DUSP15: variants seen among roughly 807,000 people sequenced by gnomAD.
DUSP15 encodes the protein dual specificity phosphatase 15.
Under a neutral mutation model 26.3 loss-of-function variants are expected in DUSP15, and 23 were observed. The ratio of observed to expected loss-of-function variants is 0.87; its 90% CI spans 0.63 to 1.24. The LOEUF (loss-of-function observed/expected upper bound fraction) is 1.24, where lower values mean the gene tolerates loss of function less well. DUSP15 is among the 50% of genes most tolerant of loss of function. The pLI is 0.00. For synonymous variants in DUSP15, 143 were observed against 135.5 expected (o/e 1.06, Z -0.39); for missense variants, 364 against 320.6 (o/e 1.14, Z -1.03).
At chr20:31,864,874 C>T in intron 4 of DUSP15, 79 bp downstream of exon 4, 1 of 1,474,742 alleles carries the variant, frequency 6.8e-7, no homozygotes, top group Non-Finnish European at 9.5e-7. Flanking sequence ...GTACTTTGTC[C>T]TCCTTCAAAC....
intron 3 of DUSP15, among the ~76,000 whole-genome samples, chr20:31,865,728 C>T (rs575252274): frequency 6.6e-6 from 1 of 152,334 alleles, no homozygotes; most frequent in East Asian, 1.9e-4. Flanking sequence ...CACTCACATT[C>T]CCCAAGGTCA....
At chr20:31,857,969 C>G (rs1489640618), downstream of DUSP15, among the ~76,000 whole-genome samples, 1 of 152,154 alleles carries the variant, frequency 6.6e-6, no homozygotes, top group African/African-American at 2.4e-5. Context: ...GCAGCCTTGG[C>G]TGATTGTTTT....
rs200184141 is a variant in DUSP15 at position 31,852,005 on chromosome 20, TTTC to T, written c.427-1332_427-1330del. 1.3e-3 allele frequency among the ~76,000 whole-genome samples: 151 copies of T among 120,094 alleles called. 1 individual carries two copies. Among genetic ancestry groups the T allele is most frequent in the Middle Eastern group, 8.9e-3 (2 of 224 alleles). The allele number at this position is 120,094 out of a possible 152,430, so 78.8% of individuals were successfully genotyped here. A position where few individuals can be genotyped will look rare whatever the true frequency, so the allele number is the denominator to read the frequency against. On this transcript the variant is annotated intron_variant, in intron 6 of 9. Coordinates refer to the DUSP15 transcript ENST00000278979. The stretch of plus-strand genomic sequence containing the variant: ...GGCCTCAGTTTCCTCCTTTTCTTTC[TTTC>T]TTTTTTTTTTTTTTTTGAGATGGAG...
In DUSP15 at chr20:31,866,351, C is replaced by T. The variant is rs527969008; in HGVS notation, c.138+720G>A. Among the ~76,000 whole-genome samples the T allele has an allele frequency of 2.6e-5, 4 of 152,202 alleles. No homozygotes were observed. In the South Asian group the frequency reaches 8.3e-4, roughly 32 times the overall value. On this transcript the variant is annotated intron_variant, in intron 3 of 6. Transcript: ENST00000339738. ...TGTTGAGCATCTATTTATGTGGTTC[C>T]CAACCACTCAGTGAAGTGGGTACTG...
At chr20:31,848,952 C>A (rs779226099) in intron 8 of DUSP15, 7 of 1,503,066 alleles carry the variant, frequency 4.7e-6, no homozygotes, top group East Asian at 2.3e-5. Flanking sequence ...AGGGACTGGG[C>A]AAGAACTAGG....
intron 6 of DUSP15, among the ~76,000 whole-genome samples, chr20:31,852,759 C>T (rs2062493482): frequency 6.6e-6 from 1 of 152,110 alleles, no homozygotes; most frequent in African/African-American, 2.4e-5. Context: ...TGCAGTGAGC[C>T]GAGATCTCGC....
At chr20:31,857,336 T>C (rs1232505607), downstream of DUSP15, among the ~76,000 whole-genome samples, 3 of 152,054 alleles carry the variant, frequency 2.0e-5, no homozygotes, top group Admixed American at 6.5e-5. Flanking sequence ...TTTTTTCTTT[T>C]TATAGAGACG....
At chr20:31,853,037 G>T (rs1174571440) in intron 6 of DUSP15, among the ~76,000 whole-genome samples, 3 of 152,156 alleles carry the variant, frequency 2.0e-5, no homozygotes, top group Non-Finnish European at 4.4e-5. Context: ...GCACTGGGCC[G>T]TGCAGAGGGA....
intron 2 of DUSP15, among the ~76,000 whole-genome samples, chr20:31,867,581 G>A (rs1004465675): frequency 1.3e-5 from 2 of 150,504 alleles, no homozygotes; most frequent in Non-Finnish European, 1.5e-5. Context: ...GGCACAGTGT[G>A]CCGCCATTAA....
rs760756308 is a variant in DUSP15, at chr20:31,863,995, C to A, written c.189-14G>T. Reference sequence around the variant, plus strand: ...AAGTGCTTTTTGCTAGAGGAGAAAGCAATAGGGTAGGGAGCACTGCAGGGC... The same window carrying A: ...AAGTGCTTTTTGCTAGAGGAGAAAGAAATAGGGTAGGGAGCACTGCAGGGC... On this transcript the variant is annotated splice_polypyrimidine_tract_variant and intron_variant, in intron 4 of 6. Coordinates refer to ENST00000339738, the MANE Select transcript of DUSP15 (RefSeq NM_080611.5). 2.5e-6 allele frequency: 4 copies of A among 1,613,506 alleles called. No individual in the cohort carries two copies. The highest frequency in any genetic ancestry group is 3.4e-6 in the Non-Finnish European group (4 of 1,179,636).
At chr20:31,846,476 G>GAGA (rs1555791617), downstream of DUSP15, among the ~76,000 whole-genome samples, 9 of 128,510 alleles carry the variant, frequency 7.0e-5, no homozygotes, top group African/African-American at 3.5e-4. Flanking sequence ...GAGAGAGAGA[G>GAGA]GAGAGAGAGG....
chr20:31,862,725 C>T lies in DUSP15; in HGVS notation c.281G>A (p.Arg94His), dbSNP rs752789690. 9 of 1,607,362 alleles carry T rather than the reference C, an allele frequency of 5.6e-6. No homozygotes were observed. Among genetic ancestry groups the T allele is most frequent in the Admixed American group, 3.4e-5 (2 of 59,582 alleles). Residue 94 changes from arginine to histidine, a missense_variant, in exon 6 of 7, where the codon CGC (arginine) becomes CAC (histidine). By Grantham distance (29) the Arg-to-His change is conservative. Transcript: ENST00000339738. ...CLVHCFAGIS[R>H]STTIVTAYVM... is the part of the protein sequence containing the mutation. ...ATACGCTGTCACAATCGTGGTGCTG[C>T]GAGAGATGCCTGCAAAGCTGGGATC... is the stretch of plus-strand genomic sequence containing the variant.
rs533621638 is a variant in DUSP15 at position 31,853,463 on chromosome 20, T to C, written c.427-2787A>G. Among the ~76,000 whole-genome samples the C allele has an allele frequency of 3.6e-3, 550 of 152,128 alleles. 2 individuals carry two copies. The highest frequency in any genetic ancestry group is 0.013 in the African/African-American group (529 of 41,548). On this transcript the variant is annotated intron_variant, in intron 6 of 9. Transcript: ENST00000278979. ...GACAATAATGTAGGAGAAAATCTTT[T>C]AGGGTCAGAGAACATTTCTTAAAAT...
downstream of DUSP15, among the ~76,000 whole-genome samples, chr20:31,846,020 A>G (rs1307465960): frequency 6.6e-6 from 1 of 152,144 alleles, no homozygotes; most frequent in Admixed American, 6.6e-5. Flanking sequence ...CACAACGGAC[A>G]GAGACACCCA....
intron 6 of DUSP15, among the ~76,000 whole-genome samples, chr20:31,850,839 T>G (rs1600434918): frequency 6.6e-6 from 1 of 152,252 alleles, no homozygotes; most frequent in African/African-American, 2.4e-5. Context: ...GGAACCCTGC[T>G]GGGCCAGCCT....
At chr20:31,849,704 CGTGGGCGCTGG>C (rs754128327) in intron 8 of DUSP15, 37 of 1,535,546 alleles carry the variant, frequency 2.4e-5, no homozygotes, top group Non-Finnish European at 3.1e-5. Flanking sequence ...CCCTGCAACA[CGTGGGCGCTGG>C]GCAATGGGTC....
intron 7 of DUSP15, among the ~76,000 whole-genome samples, chr20:31,850,428 G>T (rs1345667067): frequency 2.6e-5 from 4 of 152,226 alleles, no homozygotes; most frequent in Non-Finnish European, 5.9e-5. Context: ...GCATCTGGGG[G>T]CTGTGGGGAG....
At chr20:31,864,226 G>C in intron 4 of DUSP15, 2 of 1,279,756 alleles carry the variant, frequency 1.6e-6, no homozygotes, top group Non-Finnish European at 2.0e-6. Flanking sequence ...ATCTAGGCAG[G>C]AGCACTCCTC....
chr20:31,848,692 C>T (rs2062408197), intron 9 of DUSP15: 5 of 1,466,442 alleles, frequency 3.4e-6, no homozygotes, highest in Admixed American at 4.5e-5. Flanking sequence ...TCCTACAGAC[C>T]CGAGGGTGCT....
Sources: allele counts gnomAD v4.1 joint callset (sites outside exome capture counted in the v4.1 genomes callset), GRCh38; gene constraint gnomAD v4.1.1; transcripts MANE v1.5; gene names NCBI Gene and HGNC (gene_info 2026-07-23, HGNC 2026-07-21).